LGR4: variants seen among roughly 807,000 people sequenced by gnomAD.
LGR4 encodes the protein leucine-rich repeat-containing G protein-coupled receptor 4.
Under a neutral mutation model 84.8 loss-of-function variants are expected in LGR4, and 44 were observed. The ratio of observed to expected loss-of-function variants is 0.52; its 90% confidence interval spans 0.41 to 0.67. The LOEUF (loss-of-function observed/expected upper bound fraction) is 0.67. LGR4 is among the 30% of genes least tolerant of loss of function. The pLI, the probability that LGR4 is intolerant of heterozygous loss-of-function variation, is 0.00. For missense variants in LGR4, 1,032 were observed against 1,131.4 expected (o/e 0.91, Z 1.26); for synonymous variants, 429 against 434.3 (o/e 0.99, Z 0.15).
chr11:27,402,902 A>G lies in LGR4; in HGVS notation c.257+9887T>C, dbSNP rs150580803. Among the ~76,000 whole-genome samples the G allele has an allele frequency of 4.7e-3, 718 of 152,268 alleles. 2 individuals are homozygous for G. The highest frequency in any genetic ancestry group is 0.016 in the African/African-American group (680 of 41,542). ...TTGACGTAGAAGCAAATACACAAAC[A>G]ACTACAGAGCAGAATGTCAGGGCCT... On this transcript the variant is annotated intron_variant, in intron 2 of 17. Coordinates refer to ENST00000379214, the MANE Select transcript of LGR4 (RefSeq NM_018490.5).
At chr11:27,376,250 CAT>C in intron 13 of LGR4, 47 bp downstream of exon 13, 1 of 1,047,106 alleles carries the variant, frequency 9.6e-7, no homozygotes, top group Non-Finnish European at 1.5e-6. Context: ...AACATATTAA[CAT>C]AGTTTGGAAA....
intron 1 of LGR4, chr11:27,471,783 G>T: frequency 5.3e-6 from 1 of 189,066 alleles, no homozygotes; most frequent in Non-Finnish European, 1.1e-5. Flanking sequence ...CAGGCTGCCA[G>T]GGGCAAGCGT....
At chr11:27,439,156 C>T (rs1407525092) in intron 1 of LGR4, among the ~76,000 whole-genome samples, 1 of 152,100 alleles carries the variant, frequency 6.6e-6, no homozygotes, top group African/African-American at 2.4e-5. Context: ...CACTACCATC[C>T]ATCCACATAG....
rs573357465 is a variant in LGR4 at position 27,392,581 on chromosome 11, C to T, written c.258-63G>A. ...AGTAATTCAGACTTAAAATTCAGAA[C>T]TTACAAAAACCTAATCTGTGATTAA... On this transcript the variant is annotated intron_variant, in intron 2 of 17. Transcript: ENST00000379214. The T allele has an allele frequency of 6.6e-6, 9 of 1,359,764 alleles. No homozygotes were observed. The African/African-American group carries it at 7.5e-5, about 11-fold the overall frequency. The allele number at this position is 1,359,764 out of a possible 1,614,324, so 84.2% of individuals were successfully genotyped here. A position where few individuals can be genotyped will look rare whatever the true frequency, so the allele number is the denominator to read the frequency against.
chr11:27,446,079 G>C (rs1056782749), intron 1 of LGR4, among the ~76,000 whole-genome samples: 1 of 152,184 alleles, frequency 6.6e-6, no homozygotes, highest in Non-Finnish European at 1.5e-5. Flanking sequence ...GAACTAAAAA[G>C]ATGCTGAGTG....
intron 2 of LGR4, among the ~76,000 whole-genome samples, chr11:27,392,924 A>C (rs1863314487): frequency 6.6e-6 from 1 of 152,216 alleles, no homozygotes. Flanking sequence ...GTCAAGGAAG[A>C]ATGCTTTTGG....
chr11:27,375,582 C>T (rs1441318188), intron 13 of LGR4, among the ~76,000 whole-genome samples: 1 of 152,146 alleles, frequency 6.6e-6, no homozygotes, highest in African/African-American at 2.4e-5. Context: ...ATATTTTCAC[C>T]TTTGTGAGTC....
intron 1 of LGR4, among the ~76,000 whole-genome samples, chr11:27,471,223 C>T (rs1417268662): frequency 3.9e-5 from 6 of 152,160 alleles, no homozygotes; most frequent in African/African-American, 1.2e-4. Flanking sequence ...TTTGGCAGGG[C>T]GATTTTGTAA....
chr11:27,460,845 G>A (rs1056577891), intron 1 of LGR4, among the ~76,000 whole-genome samples: 31 of 151,972 alleles, frequency 2.0e-4, no homozygotes, highest in Non-Finnish European at 5.9e-5. Context: ...AGCTATTCAT[G>A]TGTAACCAGG....
At chr11:27,388,099 A>C (rs1227482327) in intron 4 of LGR4, among the ~76,000 whole-genome samples, 1 of 152,230 alleles carries the variant, frequency 6.6e-6, no homozygotes, top group Admixed American at 6.5e-5. Context: ...ATTTCCAAAA[A>C]ATTGTGAAGT....
At chr11:27,404,967 T>G (rs141842904) in intron 2 of LGR4, among the ~76,000 whole-genome samples, 1,736 of 152,290 alleles carry the variant, frequency 0.011, 31 homozygotes, top group African/African-American at 0.04. Context: ...TCTAGTTCTA[T>G]CTACATGCAA....
intron 2 of LGR4, among the ~76,000 whole-genome samples, chr11:27,397,134 T>A (rs1381376423): frequency 6.6e-6 from 1 of 152,138 alleles, no homozygotes; most frequent in Non-Finnish European, 1.5e-5. Context: ...CGTTATTACA[T>A]CCAAACACAC....
chr11:27,378,697 A>G lies in LGR4; in HGVS notation c.1043T>C (p.Leu348Ser). 6.2e-7 allele frequency: 1 copy of G among 1,600,052 alleles called. No individual in the cohort carries two copies. Among genetic ancestry groups the G allele is most frequent in the Admixed American group, 1.7e-5 (1 of 59,618 alleles). The change falls in exon 11 of 18, where the codon TTG becomes TCG. Residue 348 changes from leucine (L) to serine (S), a missense_variant and splice_region_variant. Physicochemically the swap from Leu to Ser is moderately radical, Grantham distance 145. Coordinates refer to ENST00000379214, the MANE Select transcript of LGR4 (RefSeq NM_018490.5). The stretch of plus-strand genomic sequence containing the variant: ...GGAAGGGAAGAAGAATCCAACTTAC[A>G]AAGTCCTAAGCATCTTTTGTTCTTG... ...LCQEQKMLRT[L>S]DLSYNNIRDL...
At chr11:27,467,683 G>T (rs1864804113) in intron 1 of LGR4, among the ~76,000 whole-genome samples, 1 of 152,168 alleles carries the variant, frequency 6.6e-6, no homozygotes, top group African/African-American at 2.4e-5. Flanking sequence ...GTCCTGAAGG[G>T]TTAAGAATAT....
intron 1 of LGR4, among the ~76,000 whole-genome samples, chr11:27,414,923 T>G (rs1024987415): frequency 1.3e-5 from 2 of 152,280 alleles, no homozygotes; most frequent in Admixed American, 6.5e-5. Context: ...CACCCTTTTC[T>G]GTAGTTTATT....
At chr11:27,436,347 G>A (rs867974396) in intron 1 of LGR4, among the ~76,000 whole-genome samples, 1 of 134,630 alleles carries the variant, frequency 7.4e-6, no homozygotes, top group Non-Finnish European at 1.6e-5. Context: ...GAGAGAGAGA[G>A]AGAAAGAAAG....
Position 27,368,415 on chromosome 11 carries a change from G to A in LGR4, c.2308C>T (p.Pro770Ser), listed in dbSNP as rs1380695935. Residue 770 changes from proline (P) to serine (S), a missense_variant, in exon 18 of 18, where the codon CCA becomes TCA. Physicochemically the swap from Pro to Ser is moderately conservative, Grantham distance 74. Transcript: ENST00000379214. ...FCPVAFFSFA[P>S]LITAISISPE... is the part of the protein sequence containing the mutation. ...CTGATAGAGATTGCAGTGATCAATG[G>A]TGCAAATGAAAAAAACGCCACAGGG... The A allele has an allele frequency of 6.2e-7, 1 of 1,614,146 alleles. No homozygotes were observed. Among genetic ancestry groups the A allele is most frequent in the South Asian group, 1.1e-5 (1 of 91,084 alleles).
intron 8 of LGR4, 46 bp from the exon 9 acceptor site, chr11:27,380,757 C>A (rs773714653): frequency 1.5e-6 from 2 of 1,334,738 alleles, no homozygotes. Context: ...TGTTCACAAG[C>A]ACTCTAATAT....
chr11:27,463,700 CA>C (rs1273544681), intron 1 of LGR4, among the ~76,000 whole-genome samples: 1 of 152,016 alleles, frequency 6.6e-6, no homozygotes, highest in African/African-American at 2.4e-5. Context: ...GCTGAAGAAT[CA>C]CTTGAACCCA....
Sources: gnomAD v4.1 joint callset for allele counts (sites outside exome capture counted in the v4.1 genomes callset) on GRCh38, gnomAD v4.1.1 for gene constraint, MANE v1.5 for transcripts, NCBI Gene and HGNC (gene_info 2026-07-23, HGNC 2026-07-21) for gene names.